The following TTC28 variants were observed in gnomAD, a reference collection of about 807,000 sequenced individuals.
TTC28 encodes the protein tetratricopeptide repeat domain 28.
A neutral mutation model predicts 198.0 loss-of-function variants in TTC28; 61 were observed. The ratio of observed to expected loss-of-function variants is 0.31; its 90% CI spans 0.25 to 0.38. TTC28 has a LOEUF of 0.38. Among genes scored for constraint, TTC28 ranks in the 10% least tolerant of loss-of-function variants. The probability of loss-of-function intolerance (pLI) is 1.00; values close to 1 mark genes in which losing one functional copy is unlikely to be tolerated. For synonymous variants in TTC28, 1,171 were observed against 1,297.8 expected, an observed-to-expected ratio of 0.90 and a Z score of 2.10; for missense variants, 2,678 against 3,164.0, an observed-to-expected ratio of 0.85 and a Z score of 3.69.
At chr22:28,613,927 T>C (rs1057345854) in intron 2 of TTC28, among the ~76,000 whole-genome samples, 8 of 152,158 alleles carry the variant, frequency 5.3e-5, no homozygotes, top group African/African-American at 1.7e-4. Context: ...CAACACAGTA[T>C]TGGAAGTTCT....
intron 16 of TTC28, chr22:27,998,001 C>T (rs896803512): frequency 6.3e-6 from 1 of 157,530 alleles, no homozygotes; most frequent in Non-Finnish European, 1.4e-5. Context: ...CTGGGCAGGT[C>T]CACTAAGAGC....
chr22:28,252,455 T>C (rs1930583087), intron 5 of TTC28, among the ~76,000 whole-genome samples: 1 of 152,190 alleles, frequency 6.6e-6, no homozygotes, highest in Non-Finnish European at 1.5e-5. Flanking sequence ...ACTACCATGA[T>C]TAAATTCATA....
chr22:28,453,223 G>C lies in TTC28; in HGVS notation c.382-146580C>G, dbSNP rs111347207. 4.2e-3 allele frequency among the ~76,000 whole-genome samples: 641 copies of C among 152,278 alleles called. 1 individual carries two copies. The highest frequency in any genetic ancestry group is 5.5e-3 in the Non-Finnish European group (373 of 68,022). On this transcript the variant is annotated intron_variant, in intron 2 of 22. Coordinates refer to ENST00000397906, the MANE Select transcript of TTC28 (RefSeq NM_001145418.2). ...ACAAAAACAGTCACAGTTGCTTTCT[G>C]TTACTTGTAACTCAGAACTCTGACT...
At chr22:28,370,144 A>G (rs1448903870) in intron 2 of TTC28, among the ~76,000 whole-genome samples, 1 of 152,106 alleles carries the variant, frequency 6.6e-6, no homozygotes, top group Non-Finnish European at 1.5e-5. Context: ...TTTACTCCCC[A>G]TCCCTTTCCC....
intron 5 of TTC28, among the ~76,000 whole-genome samples, chr22:28,278,930 T>A (rs2044525896): frequency 6.6e-6 from 1 of 152,154 alleles, no homozygotes; most frequent in African/African-American, 2.4e-5. Context: ...AATTGTGAAG[T>A]GGTTTTCTTT....
intron 12 of TTC28, among the ~76,000 whole-genome samples, chr22:28,086,231 C>T (rs558849982): frequency 1.2e-4 from 18 of 152,248 alleles, no homozygotes; most frequent in African/African-American, 2.9e-4. Context: ...CACCACACCA[C>T]ACCTATTCCA....
intron 6 of TTC28, among the ~76,000 whole-genome samples, chr22:28,157,378 C>T (rs1424623454): frequency 6.6e-6 from 1 of 152,150 alleles, no homozygotes; most frequent in East Asian, 1.9e-4. Flanking sequence ...TAAAGAGGAA[C>T]TAATACCAAT....
intron 12 of TTC28, among the ~76,000 whole-genome samples, chr22:28,070,053 C>T (rs566987561): frequency 1.3e-4 from 20 of 152,020 alleles, no homozygotes; most frequent in Admixed American, 2.6e-4. Flanking sequence ...AATTTTTTGC[C>T]TGTATATAGT....
intron 6 of TTC28, among the ~76,000 whole-genome samples, chr22:28,145,749 T>C (rs183148586): frequency 3.3e-5 from 5 of 152,320 alleles, no homozygotes; most frequent in African/African-American, 4.8e-5. Flanking sequence ...TAGCACTTGG[T>C]TTTGTGTGAA....
At chr22:28,390,191 C>T (rs536358550) in intron 2 of TTC28, among the ~76,000 whole-genome samples, 1 of 152,270 alleles carries the variant, frequency 6.6e-6, no homozygotes, top group Admixed American at 6.5e-5. Context: ...AATTTGATTG[C>T]ACTGTGGTCT....
intron 12 of TTC28, among the ~76,000 whole-genome samples, chr22:28,088,987 T>C (rs533654992): frequency 1.7e-3 from 259 of 152,300 alleles, no homozygotes; most frequent in African/African-American, 5.9e-3. Context: ...CCAGTTAGAA[T>C]GGCAATCATT....
chr22:28,589,093 A>C (rs1290714492), intron 2 of TTC28, among the ~76,000 whole-genome samples: 1 of 152,176 alleles, frequency 6.6e-6, no homozygotes, highest in Admixed American at 6.5e-5. Context: ...GCATTGAAGT[A>C]CTCTGAAATG....
At chr22:28,201,092 C>T (rs1289427077) in intron 5 of TTC28, among the ~76,000 whole-genome samples, 1 of 152,080 alleles carries the variant, frequency 6.6e-6, no homozygotes. Flanking sequence ...TATCTCACTT[C>T]AGAGGTTGGA....
At chr22:28,238,511 T>G (rs1929419407) in intron 5 of TTC28, among the ~76,000 whole-genome samples, 1 of 152,230 alleles carries the variant, frequency 6.6e-6, no homozygotes, top group Admixed American at 6.5e-5. Context: ...TGTTTTAAAG[T>G]ACTTGTCTGT....
chr22:28,519,506 G>A (rs905099376), intron 2 of TTC28, among the ~76,000 whole-genome samples: 1 of 152,162 alleles, frequency 6.6e-6, no homozygotes. Flanking sequence ...TGGCCAACTG[G>A]AGTTTGCACA....
intron 5 of TTC28, among the ~76,000 whole-genome samples, chr22:28,190,167 G>A (rs1924603717): frequency 6.6e-6 from 1 of 152,240 alleles, no homozygotes; most frequent in Non-Finnish European, 1.5e-5. Flanking sequence ...CTTACCTGCA[G>A]TGTGCATTCT....
intron 2 of TTC28, among the ~76,000 whole-genome samples, chr22:28,457,173 T>C (rs2047875271): frequency 6.6e-6 from 1 of 152,204 alleles, no homozygotes; most frequent in African/African-American, 2.4e-5. Flanking sequence ...TTTGGATACA[T>C]TTGAGCCAAT....
At chr22:28,515,114 A>G (rs2146405794) in intron 2 of TTC28, among the ~76,000 whole-genome samples, 1 of 152,342 alleles carries the variant, frequency 6.6e-6, no homozygotes, top group East Asian at 1.9e-4. Context: ...ATTACTATGC[A>G]AGTTGTAAAT....
rs966166776 is a variant in TTC28, at chr22:28,105,410, T to C, written c.3176A>G (p.Tyr1059Cys). 4 of 1,551,766 alleles carry C rather than the reference T, an allele frequency of 2.6e-6. No individual in the cohort carries two copies. Among genetic ancestry groups the C allele is most frequent in the South Asian group, 1.2e-5 (1 of 84,058 alleles). ...SLGTFERAVV[Y>C]QEQHLSIAAQ... ...AGCAATGCTCAAGTGCTGTTCTTGA[T>C]AGACCACAGCCCTCTCGAAGGTGCC... is the stretch of plus-strand genomic sequence containing the variant. The change falls in exon 8 of 23, where the codon TAT (tyrosine) becomes TGT (cysteine). Residue 1059 changes from tyrosine (Y) to cysteine (C), a missense_variant. Transcript: ENST00000397906.
Sources: gnomAD v4.1 joint callset for allele counts (sites outside exome capture counted in the v4.1 genomes callset) on GRCh38, gnomAD v4.1.1 for gene constraint, MANE v1.5 for transcripts, NCBI Gene and HGNC (gene_info 2026-07-23, HGNC 2026-07-21) for gene names.